TAFA1: variants seen among roughly 807,000 people sequenced by gnomAD.
TAFA1 encodes TAFA chemokine like family member 1, also known as chemokine-like protein TAFA-1.
A neutral mutation model predicts 18.5 loss-of-function variants in TAFA1; 4 were observed. The ratio of observed to expected loss-of-function variants is 0.22; its 90% confidence interval spans 0.11 to 0.49. The LOEUF (loss-of-function observed/expected upper bound fraction) is 0.49. Among genes scored for constraint, TAFA1 ranks in the 20% least tolerant of loss-of-function variants. The pLI, the probability that TAFA1 is intolerant of heterozygous loss-of-function variation, is 0.98. For missense variants in TAFA1, 147 were observed against 169.0 expected (o/e 0.87, Z 0.72); for synonymous variants, 56 against 55.2 (o/e 1.01, Z -0.06).
chr3:68,044,488 A>T (rs779162376), intron 2 of TAFA1, among the ~76,000 whole-genome samples: 1 of 151,212 alleles, frequency 6.6e-6, no homozygotes, highest in Non-Finnish European at 1.5e-5. Flanking sequence ...GCCTCCAGTC[A>T]CCTCCCTGAC....
intron 2 of TAFA1, among the ~76,000 whole-genome samples, chr3:68,160,239 G>C (rs965674158): frequency 5.3e-5 from 8 of 152,206 alleles, no homozygotes; most frequent in African/African-American, 1.9e-4. Flanking sequence ...TTTTTATAAA[G>C]GGACCAATAG....
At chr3:68,439,408 C>CATATATATAT (rs1341782542) in intron 3 of TAFA1, among the ~76,000 whole-genome samples, 44 of 28,222 alleles carry the variant, frequency 1.6e-3, no homozygotes, top group Non-Finnish European at 2.2e-3. Context: ...AATATATATA[C>CATATATATAT]ATACATATAT....
intron 2 of TAFA1, among the ~76,000 whole-genome samples, chr3:68,040,879 C>CAAAGTAGTA (rs1299131554): frequency 6.6e-6 from 1 of 152,160 alleles, no homozygotes; most frequent in African/African-American, 2.4e-5. Context: ...AAGTTTTGAG[C>CAAAGTAGTA]AAAGTAGTAA....
At chr3:68,525,200 A>G (rs2073091156) in intron 3 of TAFA1, among the ~76,000 whole-genome samples, 1 of 152,196 alleles carries the variant, frequency 6.6e-6, no homozygotes, top group African/African-American at 2.4e-5. Context: ...ACTGACACGA[A>G]CAAAATGAAT....
intron 2 of TAFA1, among the ~76,000 whole-genome samples, chr3:68,400,718 T>A (rs1420010466): frequency 6.6e-6 from 1 of 152,188 alleles, no homozygotes; most frequent in African/African-American, 2.4e-5. Context: ...TCAAACTTAG[T>A]GGACATTTAT....
chr3:68,469,969 TG>T (rs2071965099), intron 3 of TAFA1, among the ~76,000 whole-genome samples: 1 of 152,162 alleles, frequency 6.6e-6, no homozygotes. Context: ...ATCTTGACTG[TG>T]GTGGTGATAC....
chr3:68,376,103 A>T (rs748954368), intron 2 of TAFA1, among the ~76,000 whole-genome samples: 8 of 152,146 alleles, frequency 5.3e-5, no homozygotes, highest in Non-Finnish European at 7.3e-5. Context: ...ACAACTGATC[A>T]GGATATAGGC....
chr3:68,496,437 T>C (rs2072551534), intron 3 of TAFA1, among the ~76,000 whole-genome samples: 1 of 152,132 alleles, frequency 6.6e-6, no homozygotes. Flanking sequence ...AAAGCTAGTC[T>C]CAATGCTCTG....
At chr3:68,420,745 A>ATCCCCACAACGAAGAAT (rs1403988295) in intron 3 of TAFA1, among the ~76,000 whole-genome samples, 1 of 152,018 alleles carries the variant, frequency 6.6e-6, no homozygotes, top group African/African-American at 2.4e-5. Flanking sequence ...GCGCCCCCGA[A>ATCCCCACAACGAAGAAT]TCCCCACAAC....
chr3:68,435,625 AG>A lies in TAFA1; in HGVS notation c.259+18208del, dbSNP rs1372379560. Reference sequence around the variant, plus strand: ...TTTTTAGGTCAATGCTCTGATATTTAGGGTAACAAAGTTACATCACAGTTTT... The same window carrying A: ...TTTTTAGGTCAATGCTCTGATATTTAGGTAACAAAGTTACATCACAGTTTT... On this transcript the variant is annotated intron_variant, in intron 3 of 4. Transcript: ENST00000478136. Among the ~76,000 whole-genome samples, 8 of 152,294 alleles carry A rather than the reference AG, an allele frequency of 5.3e-5. No homozygotes were observed. In the East Asian group the frequency reaches 1.5e-3, roughly 29 times the overall value.
intron 2 of TAFA1, among the ~76,000 whole-genome samples, chr3:68,234,290 C>A (rs1361406912): frequency 6.6e-6 from 1 of 152,180 alleles, no homozygotes; most frequent in Non-Finnish European, 1.5e-5. Context: ...TGAGAGAAGT[C>A]GACAGCATTC....
In TAFA1 at chr3:68,181,838, G is replaced by T. The variant is rs2066205850; in HGVS notation, c.118+175094G>T. On this transcript the variant is annotated intron_variant, in intron 2 of 4. Coordinates refer to ENST00000478136, the MANE Select transcript of TAFA1 (RefSeq NM_213609.4). The stretch of plus-strand genomic sequence containing the variant: ...TAAAATAGGGTGAAATCTAAGTTAT[G>T]AAAGAAGCAGAGCAGAGCTAAAACA... Among the ~76,000 whole-genome samples, 4 of 152,162 alleles carry T rather than the reference G, an allele frequency of 2.6e-5. No individual in the cohort carries two copies. The South Asian group carries it at 8.3e-4, about 32-fold the overall frequency.
At chr3:68,047,657 G>A (rs1396019489) in intron 2 of TAFA1, among the ~76,000 whole-genome samples, 3 of 152,130 alleles carry the variant, frequency 2.0e-5, no homozygotes, top group African/African-American at 7.2e-5. Context: ...TGTAAGTAAT[G>A]AAGGGGAGGG....
chr3:68,517,927 A>AGC (rs2072949436), intron 3 of TAFA1, among the ~76,000 whole-genome samples: 1 of 150,594 alleles, frequency 6.6e-6, no homozygotes, highest in African/African-American at 2.4e-5. Flanking sequence ...CTTGCTGATA[A>AGC]ACACACACAC....
Position 68,082,938 on chromosome 3 carries a change from T to C in TAFA1, c.118+76194T>C, listed in dbSNP as rs551594654. On this transcript the variant is annotated intron_variant, in intron 2 of 4. Transcript: ENST00000478136. ...CCTTCTTGGTTTATCCACTTCTCCA[T>C]ATACAAGGAGGAAGTATTCTACCTA... Among the ~76,000 whole-genome samples the C allele has an allele frequency of 2.0e-5, 3 of 152,338 alleles. No individual in the cohort carries two copies. In the East Asian group the frequency reaches 5.8e-4, roughly 29 times the overall value.
At chr3:68,164,101 A>G (rs1342679026) in intron 2 of TAFA1, among the ~76,000 whole-genome samples, 1 of 152,196 alleles carries the variant, frequency 6.6e-6, no homozygotes, top group African/African-American at 2.4e-5. Context: ...CTCAGGAATG[A>G]TGCATTTCAG....
intron 2 of TAFA1, among the ~76,000 whole-genome samples, chr3:68,037,529 C>T (rs1363511129): frequency 2.6e-5 from 4 of 152,122 alleles, no homozygotes; most frequent in Non-Finnish European, 5.9e-5. Context: ...ACTACAGTTT[C>T]CATTTTTTTC....
chr3:68,340,669 C>T lies in TAFA1; in HGVS notation c.119-76611C>T, dbSNP rs77029911. ...AAAGCTCAATCATTTCTAGCCTAGG[C>T]ACATTAGATTCTTGGAGGGATTTCC... On this transcript the variant is annotated intron_variant, in intron 2 of 4. Transcript: ENST00000478136. Among the ~76,000 whole-genome samples the T allele has an allele frequency of 1.7e-4, 26 of 152,250 alleles. No individual in the cohort carries two copies. In the East Asian group the frequency reaches 5.0e-3, roughly 30 times the overall value.
At chr3:68,073,922 G>A (rs1448535459) in intron 2 of TAFA1, among the ~76,000 whole-genome samples, 3 of 152,080 alleles carry the variant, frequency 2.0e-5, no homozygotes, top group Admixed American at 1.3e-4. Flanking sequence ...GGGGGATATG[G>A]TTTTGGGATG....
Sources: gnomAD v4.1 joint callset for allele counts (sites outside exome capture counted in the v4.1 genomes callset) on GRCh38, gnomAD v4.1.1 for gene constraint, MANE v1.5 for transcripts, NCBI Gene and HGNC (gene_info 2026-07-23, HGNC 2026-07-21) for gene names.